ACOXL: variants seen among roughly 807,000 people sequenced by gnomAD.
ACOXL encodes the protein acyl-coenzyme A oxidase-like protein.
ACOXL carries 70 observed loss-of-function variants against 71.9 expected under a neutral mutation model. The observed-to-expected ratio is 0.97, with a 90% CI of 0.80 to 1.19. The LOEUF (loss-of-function observed/expected upper bound fraction) is 1.19. ACOXL is among the 50% of genes most tolerant of loss of function. ACOXL has a pLI of 0.00. For synonymous variants in ACOXL, 253 were observed against 281.6 expected, an observed-to-expected ratio of 0.90 and a Z score of 1.02; for missense variants, 703 against 736.3, an observed-to-expected ratio of 0.95 and a Z score of 0.52.
At chr2:111,044,781 A>G (rs1011668807) in intron 15 of ACOXL, among the ~76,000 whole-genome samples, 14 of 152,176 alleles carry the variant, frequency 9.2e-5, no homozygotes, top group African/African-American at 3.1e-4. Context: ...CCTTACAGCA[A>G]TGACTGCAGG....
At chr2:111,062,960 A>G (rs1294763283) in intron 16 of ACOXL, among the ~76,000 whole-genome samples, 1 of 152,182 alleles carries the variant, frequency 6.6e-6, no homozygotes, top group Non-Finnish European at 1.5e-5. Context: ...GAGACAGATT[A>G]TATTAGTATA....
At chr2:110,858,498 G>C (rs1245792184) in intron 10 of ACOXL, among the ~76,000 whole-genome samples, 1 of 152,198 alleles carries the variant, frequency 6.6e-6, no homozygotes. Context: ...GTAAGATAAA[G>C]CTCGGTGATG....
intron 1 of ACOXL, among the ~76,000 whole-genome samples, chr2:110,733,860 G>A (rs545278717): frequency 6.6e-6 from 1 of 152,302 alleles, no homozygotes; most frequent in South Asian, 2.1e-4. Context: ...GGAGCCCTGG[G>A]GGGACCCAAG....
intron 12 of ACOXL, among the ~76,000 whole-genome samples, chr2:110,972,667 AC>A (rs2062259113): frequency 1.3e-5 from 2 of 152,026 alleles, no homozygotes; most frequent in African/African-American, 4.8e-5. Flanking sequence ...ACACACACAC[AC>A]ACACACACAA....
At chr2:110,996,474 A>T (rs115575525) in intron 14 of ACOXL, among the ~76,000 whole-genome samples, 18 of 152,310 alleles carry the variant, frequency 1.2e-4, no homozygotes, top group African/African-American at 4.1e-4. Flanking sequence ...AGAAATCTAG[A>T]GGAAATTTCC....
intron 17 of ACOXL, among the ~76,000 whole-genome samples, chr2:111,108,970 T>C (rs1012057825): frequency 4.6e-5 from 7 of 152,214 alleles, no homozygotes; most frequent in African/African-American, 1.7e-4. Context: ...AATTTGTTTA[T>C]TTTTGCTGAG....
chr2:110,804,722 G>A (rs1686418263), intron 8 of ACOXL, among the ~76,000 whole-genome samples: 1 of 152,160 alleles, frequency 6.6e-6, no homozygotes, highest in African/African-American at 2.4e-5. Context: ...AGTGAAAGAA[G>A]CCAGACATAA....
At chr2:110,927,008 A>G (rs11903297) in intron 11 of ACOXL, among the ~76,000 whole-genome samples, 65,883 of 152,086 alleles carry the variant, frequency 0.43, 15,661 homozygotes, top group East Asian at 0.54. Context: ...GTAATTTATG[A>G]AGAAAAGAGG....
intron 12 of ACOXL, chr2:110,967,925 A>G (rs2062003625): frequency 3.1e-6 from 3 of 976,170 alleles, no homozygotes; most frequent in Non-Finnish European, 4.8e-6. Context: ...ACTGGTTACT[A>G]TGCTCGGAAA....
chr2:110,979,569 T>C (rs2062611716), intron 12 of ACOXL, among the ~76,000 whole-genome samples: 1 of 152,122 alleles, frequency 6.6e-6, no homozygotes, highest in African/African-American at 2.4e-5. Flanking sequence ...GCAGGAGTGG[T>C]GTGCTCCTGA....
At chr2:111,021,215 A>C (rs552339842) in intron 14 of ACOXL, among the ~76,000 whole-genome samples, 4 of 151,946 alleles carry the variant, frequency 2.6e-5, no homozygotes, top group African/African-American at 7.3e-5. Flanking sequence ...TTGTACTTCA[A>C]CTCTGACCTG....
intron 9 of ACOXL, among the ~76,000 whole-genome samples, chr2:110,837,988 T>C (rs968575891): frequency 1.2e-4 from 18 of 152,198 alleles, no homozygotes; most frequent in African/African-American, 4.1e-4. Context: ...GGATCCCTGC[T>C]GAGACCAGCA....
chr2:110,948,517 T>A (rs2061199227), intron 12 of ACOXL, among the ~76,000 whole-genome samples: 1 of 151,780 alleles, frequency 6.6e-6, no homozygotes. Flanking sequence ...CACAAAGAGA[T>A]GTTGCAAAGC....
chr2:111,064,924 A>G (rs2066992140), intron 16 of ACOXL, among the ~76,000 whole-genome samples: 1 of 152,248 alleles, frequency 6.6e-6, no homozygotes, highest in Non-Finnish European at 1.5e-5. Flanking sequence ...TAAAGATATT[A>G]TTTATCCCCA....
chr2:110,939,526 G>C (rs1196356243), intron 12 of ACOXL, among the ~76,000 whole-genome samples: 1 of 152,068 alleles, frequency 6.6e-6, no homozygotes, highest in Non-Finnish European at 1.5e-5. Flanking sequence ...TATCTTGTAG[G>C]TGTACCATAA....
chr2:110,736,832 G>C (rs1431977039), intron 1 of ACOXL, among the ~76,000 whole-genome samples: 1 of 152,154 alleles, frequency 6.6e-6, no homozygotes, highest in Non-Finnish European at 1.5e-5. Flanking sequence ...ACGTTAGCCA[G>C]GATGGTCTCG....
At chr2:110,921,141 G>T (rs2060051584) in intron 11 of ACOXL, among the ~76,000 whole-genome samples, 2 of 151,940 alleles carry the variant, frequency 1.3e-5, no homozygotes, top group Non-Finnish European at 2.9e-5. Context: ...TGGGATCAGT[G>T]CGATTTCTCC....
intron 9 of ACOXL, among the ~76,000 whole-genome samples, chr2:110,816,162 T>C (rs1237025257): frequency 6.6e-6 from 1 of 151,622 alleles, no homozygotes; most frequent in Non-Finnish European, 1.5e-5. Context: ...AATGGATGCA[T>C]GGATGGACGG....
chr2:110,892,297 G>A (rs908697495), intron 10 of ACOXL, among the ~76,000 whole-genome samples: 2 of 152,122 alleles, frequency 1.3e-5, no homozygotes, highest in African/African-American at 2.4e-5. Context: ...AAGGAAGAAC[G>A]CCCTGAAATG....
Sources: allele counts gnomAD v4.1 joint callset (sites outside exome capture counted in the v4.1 genomes callset), GRCh38; gene constraint gnomAD v4.1.1; transcripts MANE v1.5; gene names NCBI Gene and HGNC (gene_info 2026-07-23, HGNC 2026-07-21).